USF3: variants seen among roughly 807,000 people sequenced by gnomAD.
USF3 encodes the protein basic helix-loop-helix domain-containing protein USF3.
A neutral mutation model predicts 157.5 loss-of-function variants in USF3; 29 were observed. That is an observed-to-expected ratio of 0.18 (90% CI 0.14 to 0.25). The LOEUF (loss-of-function observed/expected upper bound fraction) is 0.25, where lower values mean the gene tolerates loss of function less well. USF3 is among the 10% of genes least tolerant of loss of function. USF3 has a pLI of 1.00. For synonymous variants in USF3, 893 were observed against 941.4 expected (o/e 0.95, Z 0.94); for missense variants, 2,381 against 2,667.6 (o/e 0.89, Z 2.37).
chr3:113,672,952 G>A (rs896431685), intron 4 of USF3, among the ~76,000 whole-genome samples: 1 of 152,124 alleles, frequency 6.6e-6, no homozygotes, highest in African/African-American at 2.4e-5. Flanking sequence ...CACATTACAA[G>A]GCTCTTTAGG....
Position 113,655,097 on chromosome 3 carries a change from T to C in USF3, c.6585A>G (p.Pro2195=), listed in dbSNP as rs776387420. 3 of 1,614,222 alleles carry C rather than the reference T, an allele frequency of 1.9e-6. No individual in the cohort carries two copies. Among genetic ancestry groups the C allele is most frequent in the South Asian group, 2.2e-5 (2 of 91,092 alleles). The change falls in exon 7 of 7, where the codon CCA becomes CCG. Residue 2195 remains proline (P), a synonymous_variant. Transcript: ENST00000316407. Reference sequence around the variant, plus strand: ...CATCAGGAAGCGCTGTGGCTATTTCTGGAAACAAAGATGTCATATTAAAAT... The same window carrying C: ...CATCAGGAAGCGCTGTGGCTATTTCCGGAAACAAAGATGTCATATTAAAAT... ...LSNFNMTSLF[P]EIATALPDGS...
intron 4 of USF3, 41 bp from the exon 5 acceptor site, chr3:113,670,244 TAGTC>T (rs1281828485): frequency 8.7e-7 from 1 of 1,143,096 alleles, no homozygotes; most frequent in East Asian, 2.3e-5. Flanking sequence ...TTACACTACT[TAGTC>T]AAAGTGCCCT....
chr3:113,663,385 A>T (rs1947516483), intron 6 of USF3, among the ~76,000 whole-genome samples: 2 of 152,230 alleles, frequency 1.3e-5, no homozygotes, highest in South Asian at 4.1e-4. Context: ...ATGGTTACTA[A>T]ACATGGATCA....
At position 113,652,194 on chromosome 3, in the gene USF3, G is replaced by A. The variant is rs754389076; in HGVS notation, c.*2750C>T. On this transcript the variant is annotated 3_prime_UTR_variant, in exon 7 of 7. Transcript: ENST00000316407. ...CAGTGAGAGACAGACAGATGAGAGA[G>A]GGAGAGAGGGAAATGAATAGCCAAA... The A allele has an allele frequency of 6.6e-6, 1 of 151,990 alleles. No homozygotes were observed. Among genetic ancestry groups the A allele is most frequent in the Non-Finnish European group, 1.5e-5 (1 of 68,016 alleles). 9.4% of individuals were successfully genotyped at this position (151,990 alleles called of 1,614,324 possible).
rs747821018 is a variant in USF3, at chr3:113,655,694, A to C, written c.5988T>G (p.Asn1996Lys). The C allele has an allele frequency of 5.0e-6, 8 of 1,613,966 alleles. No individual in the cohort carries two copies. In the South Asian group the frequency reaches 8.8e-5, roughly 18 times the overall value. Residue 1996 changes from asparagine to lysine, a missense_variant, in exon 7 of 7, where the codon AAT becomes AAG. Coordinates refer to ENST00000316407, the MANE Select transcript of USF3 (RefSeq NM_001009899.4). Reference protein sequence around the residue: ...SGSKIRQPERNRSGNQRQSTV... With the variant: ...SGSKIRQPERKRSGNQRQSTV... The stretch of plus-strand genomic sequence containing the variant: ...TACTTTGCCTTTGGTTTCCAGAACG[A>C]TTCCTTTCAGGCTGACGAATTTTGG...
chr3:113,694,585 T>C lies in USF3; in HGVS notation c.-135+1785A>G, dbSNP rs541218030. Among the ~76,000 whole-genome samples the C allele has an allele frequency of 3.9e-5, 6 of 152,364 alleles. No homozygotes were observed. The South Asian group carries it at 1.2e-3, about 32-fold the overall frequency. On this transcript the variant is annotated intron_variant, in intron 1 of 6. Coordinates refer to ENST00000316407, the MANE Select transcript of USF3 (RefSeq NM_001009899.4). ...AATACCTATGTACACCTAAGTCTTT[T>C]AGCTTAGACCAGGAGTGTCCAATCT...
chr3:113,689,303 G>A lies in USF3; in HGVS notation c.-135+7067C>T, dbSNP rs528423356. Among the ~76,000 whole-genome samples, 100 of 152,250 alleles carry A rather than the reference G, an allele frequency of 6.6e-4. 1 individual carries two copies. Among genetic ancestry groups the A allele is most frequent in the African/African-American group, 2.3e-3 (96 of 41,550 alleles). ...AGTTTACATGATGATACATTTTACC[G>A]ATCTAGCAAAGTGCCTGGTACATAG... On this transcript the variant is annotated intron_variant, in intron 1 of 6. Coordinates refer to ENST00000316407, the MANE Select transcript of USF3 (RefSeq NM_001009899.4).
chr3:113,657,947 G>C lies in USF3; in HGVS notation c.3735C>G (p.Ile1245Met). 1 of 1,614,184 alleles carries C rather than the reference G, an allele frequency of 6.2e-7. No individual in the cohort carries two copies. The highest frequency in any genetic ancestry group is 8.5e-7 in the Non-Finnish European group (1 of 1,180,042). Residue 1245 changes from isoleucine (I) to methionine (M), a missense_variant, in exon 7 of 7, where the codon ATC becomes ATG. Physicochemically the swap from Ile to Met is conservative, Grantham distance 10 (BLOSUM62 1). Around this residue, in one of 6 missense-constraint regions of USF3, gnomAD observed 1,435 missense variants for 1,550.9 expected, o/e 0.93. Transcript: ENST00000316407. ...SITSLSVNNL[I>M]HQSSISHPLA... ...GAGGATGGCTGATGCTGCTCTGATG[G>C]ATAAGATTATTCACACTTAAACTGG...
intron 1 of USF3, among the ~76,000 whole-genome samples, chr3:113,690,859 C>T (rs556836549): frequency 6.6e-6 from 1 of 152,122 alleles, no homozygotes; most frequent in South Asian, 2.1e-4. Context: ...TATTATTAAT[C>T]CCTCCTTCTC....
rs1378164528 is a variant in USF3 at position 113,659,679 on chromosome 3, C to A, written c.2003G>T (p.Gly668Val). 6.2e-7 allele frequency: 1 copy of A among 1,614,130 alleles called. No homozygotes were observed. The highest frequency in any genetic ancestry group is 8.5e-7 in the Non-Finnish European group (1 of 1,180,006). The part of the protein sequence containing the change: ...NQQPQTISLN[G>V]QLFALQPVMS... The stretch of plus-strand genomic sequence containing the variant: ...CACAGGCTGCAAAGCAAAGAGCTGT[C>A]CATTTAAAGAAATGGTTTGAGGCTG... The change falls in exon 7 of 7, where the codon GGA (glycine) becomes GTA (valine). Residue 668 changes from glycine (G) to valine (V), a missense_variant. By Grantham distance (109) the Gly-to-Val change is moderately radical (BLOSUM62 -3). Around this residue, in one of 6 missense-constraint regions of USF3, gnomAD observed 1,435 missense variants for 1,550.9 expected, o/e 0.93. Coordinates refer to ENST00000316407, the MANE Select transcript of USF3 (RefSeq NM_001009899.4).
chr3:113,686,985 G>A (rs1707565384), intron 1 of USF3, among the ~76,000 whole-genome samples: 1 of 152,144 alleles, frequency 6.6e-6, no homozygotes, highest in African/African-American at 2.4e-5. Flanking sequence ...CGCAAAGCGA[G>A]AAGAGTTAAT....
At position 113,658,856 on chromosome 3, in the gene USF3, A is replaced by G. The variant is rs747565933; in HGVS notation, c.2826T>C (p.Asn942=). 1.9e-6 allele frequency: 3 copies of G among 1,614,210 alleles called. No individual in the cohort carries two copies. Among genetic ancestry groups the G allele is most frequent in the Non-Finnish European group, 2.5e-6 (3 of 1,180,038 alleles). ...SDAAKPCASA[N]VLIPSPSDPH... is the part of the protein sequence containing the mutation. The stretch of plus-strand genomic sequence containing the variant: ...GATCACTTGGAGATGGAATCAATAC[A>G]TTGGCTGAAGCGCAGGGTTTGGCAG... Residue 942 remains asparagine, a synonymous_variant, in exon 7 of 7, where the codon AAT becomes AAC. Transcript: ENST00000316407.
In USF3 at chr3:113,659,131, C is replaced by A. The variant is rs529709995; in HGVS notation, c.2551G>T (p.Val851Phe). Reference protein sequence around the residue: ...LESFPAVLPSVSVSQANSVSV... With the variant: ...LESFPAVLPSFSVSQANSVSV... ...ACACTATTTGCCTGAGACACAGAGA[C>A]AGATGGTAACACAGCAGGGAAGCTT... is the stretch of plus-strand genomic sequence containing the variant. Residue 851 changes from valine (V) to phenylalanine (F), a missense_variant, in exon 7 of 7, where the codon GTC (valine) becomes TTC (phenylalanine). Transcript: ENST00000316407. 6.2e-7 allele frequency: 1 copy of A among 1,614,192 alleles called. No homozygotes were observed. Among genetic ancestry groups the A allele is most frequent in the African/African-American group, 1.3e-5 (1 of 75,052 alleles).
intron 2 of USF3, among the ~76,000 whole-genome samples, chr3:113,676,275 T>A (rs374842960): frequency 1.3e-5 from 2 of 152,318 alleles, no homozygotes; most frequent in South Asian, 2.1e-4. Context: ...ATTTACTGTG[T>A]TAGTCCATTG....
At position 113,659,566 on chromosome 3, in the gene USF3, T is replaced by G. The variant is rs1250256831; in HGVS notation, c.2116A>C (p.Asn706His). The change falls in exon 7 of 7, where the codon AAT (asparagine) becomes CAT (histidine). Residue 706 changes from asparagine (N) to histidine (H), a missense_variant. Asn to His is a moderately conservative substitution (Grantham distance 68). Around this residue, in one of 6 missense-constraint regions of USF3, gnomAD observed 1,435 missense variants for 1,550.9 expected, o/e 0.93. Coordinates refer to ENST00000316407, the MANE Select transcript of USF3 (RefSeq NM_001009899.4). ...AGGCTGGCCAAAGCACCAAATGTAT[T>G]CAGGGCAACATTGGTATTTGGATCT... Reference protein sequence around the residue: ...SEDPNTNVALNTFGALASLNQ... With the variant: ...SEDPNTNVALHTFGALASLNQ... 3.1e-6 allele frequency: 5 copies of G among 1,614,148 alleles called. No homozygotes were observed. The highest frequency in any genetic ancestry group is 1.7e-5 in the Admixed American group (1 of 60,026).
Position 113,656,649 on chromosome 3 carries a change from G to T in USF3, c.5033C>A (p.Ser1678Tyr). The T allele has an allele frequency of 1.2e-6, 2 of 1,614,214 alleles. No individual in the cohort carries two copies. The highest frequency in any genetic ancestry group is 1.6e-4 in the Middle Eastern group (1 of 6,062). The change falls in exon 7 of 7, where the codon TCT becomes TAT. Residue 1678 changes from serine to tyrosine, a missense_variant. Ser to Tyr is a moderately radical substitution (Grantham distance 144). Coordinates refer to ENST00000316407, the MANE Select transcript of USF3 (RefSeq NM_001009899.4). Reference protein sequence around the residue: ...YSAEALIGKTSSNSEQRMGIS... With the variant: ...YSAEALIGKTYSNSEQRMGIS... ...CCCCATTCTCTGCTCTGAATTAGAA[G>T]ATGTCTTTCCAATGAGTGCCTCAGC...
chr3:113,657,279 TGC>T lies in USF3; in HGVS notation c.4401_4402del (p.Gln1468AlafsTer40). On this transcript the variant is annotated frameshift_variant, in exon 7 of 7. Coordinates refer to ENST00000316407, the MANE Select transcript of USF3 (RefSeq NM_001009899.4). LOFTEE classifies it high-confidence loss of function. ...TTGTTGCTGTTGCTGCTGCTGCTGC[TGC>T]TGCTGCTGCTGCTGCTGCTTTATGT... 6.2e-7 allele frequency: 1 copy of T among 1,601,650 alleles called. No homozygotes were observed. The highest frequency in any genetic ancestry group is 2.2e-5 in the East Asian group (1 of 44,726).
rs1469797709 is a variant in USF3, at chr3:113,660,678, A to G, written c.1004T>C (p.Phe335Ser). The G allele has an allele frequency of 5.0e-6, 8 of 1,614,066 alleles. No individual in the cohort carries two copies. The Admixed American group carries it at 5.0e-5, about 10-fold the overall frequency. ...QDFRGDFQNT[F>S]VVSVTTTVCS... ...GACTGTGGTGGTAACTGAAACAACA[A>G]AAGTGTTTTGAAAATCACCTCTGAA... Residue 335 changes from phenylalanine (F) to serine (S), a missense_variant, in exon 7 of 7, where the codon TTT becomes TCT. Phe to Ser is a radical substitution (Grantham distance 155). Coordinates refer to ENST00000316407, the MANE Select transcript of USF3 (RefSeq NM_001009899.4).
chr3:113,659,368 T>C lies in USF3; in HGVS notation c.2314A>G (p.Thr772Ala). ...TTDSSATLASTYNLVSTSSMN... is the reference protein window; with the variant it reads ...TTDSSATLASAYNLVSTSSMN... ...GAGGAAGTACTCACTAGATTATAAG[T>C]ACTAGCTAGTGTGGCTGAACTATCT... is the stretch of plus-strand genomic sequence containing the variant. The change falls in exon 7 of 7, where the codon ACT becomes GCT. Residue 772 changes from threonine to alanine, a missense_variant. This residue lies in a region of USF3 where 1,435 missense variants were observed against 1,550.9 expected (regional missense o/e 0.93). Coordinates refer to ENST00000316407, the MANE Select transcript of USF3 (RefSeq NM_001009899.4). 6.2e-7 allele frequency: 1 copy of C among 1,614,250 alleles called. No homozygotes were observed. The highest frequency in any genetic ancestry group is 8.5e-7 in the Non-Finnish European group (1 of 1,180,040).
Sources: allele counts gnomAD v4.1 joint callset (sites outside exome capture counted in the v4.1 genomes callset), GRCh38; gene constraint gnomAD v4.1.1; regional missense constraint gnomAD v4.1.1; transcripts MANE v1.5; gene names NCBI Gene and HGNC (gene_info 2026-07-23, HGNC 2026-07-21).